The following FOXO3B variants were observed in gnomAD, a reference collection of about 807,000 sequenced individuals.
The protein encoded by FOXO3B is forkhead box protein O3B.
In FOXO3B, 15 loss-of-function variants were observed where a neutral mutation model predicts 21.9. That is an observed-to-expected ratio of 0.68 (90% CI 0.46 to 1.05). FOXO3B has a LOEUF of 1.05. Among genes scored for constraint, FOXO3B ranks in the 50% least tolerant of loss-of-function variants. The pLI is 0.00. For synonymous variants in FOXO3B, 135 were observed against 213.6 expected (o/e 0.63, Z 3.21); for missense variants, 293 against 435.5 (o/e 0.67, Z 2.91).
Position 18,671,210 on chromosome 17 carries a change from C to T in FOXO3B, c.*1099G>A. On this transcript the variant is annotated 3_prime_UTR_variant, in exon 4 of 4. Coordinates refer to ENST00000395675, the MANE Select transcript of FOXO3B (RefSeq NM_001368135.1). ...GCATAGACTGGCTGACAGGAGACTG[C>T]TGCTGGTGTTTGGCTGACCCAAGGC... The T allele has an allele frequency of 2.0e-6, 2 of 989,332 alleles. No homozygotes were observed. The highest frequency in any genetic ancestry group is 3.2e-6 in the Non-Finnish European group (2 of 619,132). The allele number at this position is 989,332 out of a possible 1,614,324, so 61.3% of individuals were successfully genotyped here.
In FOXO3B at chr17:18,680,815, C is replaced by G. The variant is rs1462152129; in HGVS notation, c.52G>C (p.Asp18His). The change falls in exon 3 of 4, where the codon GAT (aspartate) becomes CAT (histidine). Residue 18 changes from aspartate (D) to histidine (H), a missense_variant. Asp to His is a moderately conservative substitution (Grantham distance 81, BLOSUM62 -1). Coordinates refer to ENST00000395675, the MANE Select transcript of FOXO3B (RefSeq NM_001368135.1). ...CTCTTCTCTTGGAAATGGGGAGAAT[C>G]CTGGGAAGACAGAACTAACGACAAG... ...MPEKGVLSSQ[D>H]SPHFQEKSTE... is the part of the protein sequence containing the mutation. 2 of 1,606,182 alleles carry G rather than the reference C, an allele frequency of 1.2e-6. No homozygotes were observed. Among genetic ancestry groups the G allele is most frequent in the Non-Finnish European group, 1.7e-6 (2 of 1,175,274 alleles).
intron 3 of FOXO3B, among the ~76,000 whole-genome samples, chr17:18,674,639 AG>A (rs34466734): frequency 0.015 from 1,839 of 121,420 alleles, 53 homozygotes; most frequent in African/African-American, 0.058. Flanking sequence ...AAAAAAAAAA[AG>A]GGGGGGGGGA....
chr17:18,674,604 A>T (rs1330193858), intron 3 of FOXO3B, among the ~76,000 whole-genome samples: 1 of 146,032 alleles, frequency 6.8e-6, no homozygotes, highest in Non-Finnish European at 1.5e-5. Context: ...CCAGCCTGGG[A>T]AACAAAGCGA....
intron 3 of FOXO3B, among the ~76,000 whole-genome samples, chr17:18,676,392 C>T (rs561431116): frequency 1.3e-5 from 2 of 152,246 alleles, no homozygotes; most frequent in Admixed American, 1.3e-4. Flanking sequence ...GCAACTGCTA[C>T]TAATGGCAAA....
intron 3 of FOXO3B, among the ~76,000 whole-genome samples, chr17:18,676,994 C>T (rs1427828123): frequency 6.6e-6 from 1 of 152,254 alleles, no homozygotes; most frequent in Non-Finnish European, 1.5e-5. Context: ...TGAGTCACCA[C>T]ACCCAGCTGA....
chr17:18,672,294 C>T lies in FOXO3B; in HGVS notation c.*15G>A, dbSNP rs1260373314. 1 of 1,612,074 alleles carries T rather than the reference C, an allele frequency of 6.2e-7. No homozygotes were observed. The highest frequency in any genetic ancestry group is 2.2e-5 in the East Asian group (1 of 44,868). ...ATCGACTATGCAGTGACAGGTTGTG[C>T]CGGATGGAGTTCTTCTAGCCGGCAG... On this transcript the variant is annotated 3_prime_UTR_variant, in exon 4 of 4. Coordinates refer to ENST00000395675, the MANE Select transcript of FOXO3B (RefSeq NM_001368135.1). The surrounding 1 kb of genome is among the most constrained non-coding windows in gnomAD (Gnocchi z 4.2).
intron 3 of FOXO3B, among the ~76,000 whole-genome samples, chr17:18,675,461 G>A (rs1435603013): frequency 1.3e-5 from 2 of 152,126 alleles, no homozygotes; most frequent in Non-Finnish European, 2.9e-5. Flanking sequence ...CACAGAAACT[G>A]ATAGGTCTCT....
Position 18,670,811 on chromosome 17 carries a change from T to C in FOXO3B, c.*1498A>G. ...AGCTGTAAACGGTATCACTGTCCAC[T>C]TGCTGAGAGCAGATTTGGCAAAGGG... On this transcript the variant is annotated 3_prime_UTR_variant, in exon 4 of 4. Coordinates refer to ENST00000395675, the MANE Select transcript of FOXO3B (RefSeq NM_001368135.1). 1 of 1,320,778 alleles carries C rather than the reference T, an allele frequency of 7.6e-7. No homozygotes were observed. Among genetic ancestry groups the C allele is most frequent in the Non-Finnish European group, 1.1e-6 (1 of 946,094 alleles). The allele number at this position is 1,320,778 out of a possible 1,614,324, so 81.8% of individuals were successfully genotyped here. A position where few individuals can be genotyped will look rare whatever the true frequency, so the allele number is the denominator to read the frequency against.
Position 18,672,994 on chromosome 17 carries a change from G to C in FOXO3B, c.188C>G (p.Pro63Arg). Residue 63 changes from proline (P) to arginine (R), a missense_variant, in exon 4 of 4, where the codon CCG becomes CGG. Coordinates refer to ENST00000395675, the MANE Select transcript of FOXO3B (RefSeq NM_001368135.1). The surrounding 1 kb of genome is among the most constrained non-coding windows in gnomAD (Gnocchi z 4.2). ...CTCTCGCGCCGGGGCGGGGTGCAGCGGGGGAGGGACGTGGACGCCGCGAAG... is the reference window on the plus strand; with the variant it reads ...CTCTCGCGCCGGGGCGGGGTGCAGCCGGGGAGGGACGTGGACGCCGCGAAG... ...RSLRGVHVPP[P>R]LHPAPAREES... 1 of 1,473,326 alleles carries C rather than the reference G, an allele frequency of 6.8e-7. No homozygotes were observed. The highest frequency in any genetic ancestry group is 8.9e-7 in the Non-Finnish European group (1 of 1,119,088). 91.3% of individuals were successfully genotyped at this position (1,473,326 alleles called of 1,614,324 possible). A position where few individuals can be genotyped will look rare whatever the true frequency, so the allele number is the denominator to read the frequency against.
At chr17:18,676,690 C>CT (rs2032490082) in intron 3 of FOXO3B, among the ~76,000 whole-genome samples, 1 of 151,544 alleles carries the variant, frequency 6.6e-6, no homozygotes, top group Non-Finnish European at 1.5e-5. Context: ...AAAAGGGTTT[C>CT]TTTTCTTTGC....
intron 3 of FOXO3B, among the ~76,000 whole-genome samples, chr17:18,679,767 G>T (rs1321812899): frequency 6.6e-6 from 1 of 151,280 alleles, no homozygotes; most frequent in Middle Eastern, 3.2e-3. Flanking sequence ...TTTAATAAAA[G>T]TTTCAAACAT....
At chr17:18,676,516 C>A (rs1388408061) in intron 3 of FOXO3B, among the ~76,000 whole-genome samples, 2 of 152,098 alleles carry the variant, frequency 1.3e-5, no homozygotes, top group Non-Finnish European at 1.5e-5. Context: ...ACAATGTGAA[C>A]TTTAAAAAAT....
At position 18,677,562 on chromosome 17, in the gene FOXO3B, G is replaced by A. The variant is rs1412971557; in HGVS notation, c.126+3179C>T. On this transcript the variant is annotated intron_variant, in intron 3 of 3. Coordinates refer to ENST00000395675, the MANE Select transcript of FOXO3B (RefSeq NM_001368135.1). ...TCTGCTCACAGAGATCCACGGGGGC[G>A]CCGGCGGGCCCAGCGGCAGGGCCAA... The A allele has an allele frequency of 1.8e-5, 29 of 1,603,184 alleles. 1 individual carries two copies. Among genetic ancestry groups the A allele is most frequent in the Non-Finnish European group, 2.3e-5 (27 of 1,175,776 alleles).
intron 3 of FOXO3B, chr17:18,677,490 G>A: frequency 6.2e-7 from 1 of 1,614,082 alleles, no homozygotes; most frequent in Non-Finnish European, 8.5e-7. Flanking sequence ...CGAGGAGGCG[G>A]GCCGCCTGCT....
Position 18,669,072 on chromosome 17 carries a change from G to A in FOXO3B, c.*3237C>T, listed in dbSNP as rs1005508087. On this transcript the variant is annotated 3_prime_UTR_variant, in exon 4 of 4. Coordinates refer to ENST00000395675, the MANE Select transcript of FOXO3B (RefSeq NM_001368135.1). ...GTAAAAGGCAGGGTGAAATCAACAG[G>A]GCCATCGCTCAAACATGGCAACCCA... is the stretch of plus-strand genomic sequence containing the variant. 4 of 143,372 alleles carry A rather than the reference G, an allele frequency of 2.8e-5. No homozygotes were observed. Among genetic ancestry groups the A allele is most frequent in the Non-Finnish European group, 6.1e-5 (4 of 65,994 alleles). The allele number at this position is 143,372 out of a possible 1,614,324, so 8.9% of individuals were successfully genotyped here.
At chr17:18,673,165 C>A in intron 3 of FOXO3B, 110 bp from the exon 4 acceptor site, 1 of 1,296,712 alleles carries the variant, frequency 7.7e-7, no homozygotes, top group Non-Finnish European at 9.8e-7. Context: ...GCCGCGCCCG[C>A]CTCCCAGGAA....
At chr17:18,679,218 C>A (rs1017323774) in intron 3 of FOXO3B, among the ~76,000 whole-genome samples, 4 of 152,194 alleles carry the variant, frequency 2.6e-5, no homozygotes, top group Non-Finnish European at 5.9e-5. Context: ...TGATTTTATC[C>A]GCTGCAACTT....
intron 3 of FOXO3B, chr17:18,677,409 C>A: frequency 6.2e-7 from 1 of 1,614,146 alleles, no homozygotes; most frequent in Non-Finnish European, 8.5e-7. Flanking sequence ...GACGGCTGAG[C>A]TGGGCATCCG....
Position 18,673,054 on chromosome 17 carries a change from G to T in FOXO3B, c.128C>A (p.Ala43Glu). Residue 43 changes from alanine (A) to glutamate (E), a missense_variant and splice_region_variant, in exon 4 of 4, where the codon GCG becomes GAG. Physicochemically the swap from Ala to Glu is moderately radical, Grantham distance 107 (BLOSUM62 -1). Around this residue, in one of 2 missense-constraint regions of FOXO3B, gnomAD observed 251 missense variants for 404.0 expected, o/e 0.62. Coordinates refer to ENST00000395675, the MANE Select transcript of FOXO3B (RefSeq NM_001368135.1). Reference protein sequence around the residue: ...AALRLTARSQAAAAAAAPGSR... With the variant: ...AALRLTARSQEAAAAAAPGSR... The stretch of plus-strand genomic sequence containing the variant: ...CCCGGGCGCCGCCGCCGCCGCCGCC[G>T]CCTGGGGAAGCACGAGAGAAGAGAG... 1.4e-6 allele frequency: 2 copies of T among 1,459,016 alleles called. No individual in the cohort carries two copies. Among genetic ancestry groups the T allele is most frequent in the Non-Finnish European group, 1.8e-6 (2 of 1,109,132 alleles). The allele number at this position is 1,459,016 out of a possible 1,614,324, so 90.4% of individuals were successfully genotyped here.
Sources: gnomAD v4.1 joint callset for allele counts (sites outside exome capture counted in the v4.1 genomes callset) on GRCh38, gnomAD v4.1.1 for gene constraint, gnomAD v4.1.1 regional missense constraint, Gnocchi (gnomAD v3.1) non-coding constraint, MANE v1.5 for transcripts, NCBI Gene and HGNC (gene_info 2026-07-23, HGNC 2026-07-21) for gene names.